EXD3: variants seen among roughly 807,000 people sequenced by gnomAD.
The protein encoded by EXD3 is exonuclease 3'-5' domain containing 3.
Under a neutral mutation model 98.0 loss-of-function variants are expected in EXD3, and 92 were observed. The observed-to-expected ratio is 0.94, with a 90% CI of 0.79 to 1.12. The LOEUF (loss-of-function observed/expected upper bound fraction) is 1.12, where lower values mean the gene tolerates loss of function less well. Among genes scored for constraint, EXD3 ranks in the 50% most tolerant of loss-of-function variants. The probability of loss-of-function intolerance (pLI) is 0.00; values close to 1 mark genes in which losing one functional copy is unlikely to be tolerated. For missense variants in EXD3, 1,222 were observed against 1,191.6 expected (o/e 1.03, Z -0.38); for synonymous variants, 569 against 526.0 (o/e 1.08, Z -1.12).
At chr9:137,368,936 G>A (rs1276840044) in intron 5 of EXD3, among the ~76,000 whole-genome samples, 1 of 142,276 alleles carries the variant, frequency 7.0e-6, no homozygotes, top group African/African-American at 2.6e-5. Flanking sequence ...CCCGGGAAGG[G>A]AGTCTCAGGC....
At chr9:137,388,936 C>A (rs998133130) in intron 2 of EXD3, among the ~76,000 whole-genome samples, 1 of 152,200 alleles carries the variant, frequency 6.6e-6, no homozygotes, top group Non-Finnish European at 1.5e-5. Context: ...GTCCTCTGAC[C>A]GCCCACGGAC....
At chr9:137,406,977 G>A (rs760701727) in intron 1 of EXD3, among the ~76,000 whole-genome samples, 7 of 152,198 alleles carry the variant, frequency 4.6e-5, no homozygotes, top group Non-Finnish European at 1.0e-4. Flanking sequence ...GCCTCCCAGC[G>A]TCCCAGGGTC....
chr9:137,331,038 A>C (rs372951900), intron 17 of EXD3, among the ~76,000 whole-genome samples: 2 of 152,230 alleles, frequency 1.3e-5, no homozygotes, highest in South Asian at 2.1e-4. Context: ...CCAACAGCAC[A>C]TTAAAGCAAT....
Position 137,307,049 on chromosome 9 carries a change from G to T in EXD3, c.2532C>A (p.His844Gln), listed in dbSNP as rs1018433766. Residue 844 changes from histidine (H) to glutamine (Q), a missense_variant, in exon 22 of 22, where the codon CAC becomes CAA. Transcript: ENST00000340951. The stretch of plus-strand genomic sequence containing the variant: ...GGAAGTGGGTGGCAACACGACCCAG[G>T]TGGGAGCCGTCCCAGAAGACCTTTC... ...GCGKVFWDGS[H>Q]LGRVATHFRD... 4.3e-6 allele frequency: 7 copies of T among 1,612,238 alleles called. No homozygotes were observed. The highest frequency in any genetic ancestry group is 5.1e-6 in the Non-Finnish European group (6 of 1,179,664).
intron 1 of EXD3, among the ~76,000 whole-genome samples, chr9:137,401,537 T>C (rs191865490): frequency 1.7e-3 from 261 of 152,356 alleles, no homozygotes; most frequent in Non-Finnish European, 2.8e-3. Context: ...CCTGGACATT[T>C]AGGCATTTCC....
Position 137,403,476 on chromosome 9 carries a change from C to T in EXD3, c.-47-8072G>A, listed in dbSNP as rs1436579000. On this transcript the variant is annotated intron_variant, in intron 1 of 21. Coordinates refer to ENST00000340951, the MANE Select transcript of EXD3 (RefSeq NM_017820.5). The surrounding 1 kb of genome is among the most constrained non-coding windows in gnomAD (Gnocchi z 6.1). ...GCCCAGGGTCTCCGAGGGTCGGGGG[C>T]CGCAGGGTCTGGCAGCACCCCATGA... Among the ~76,000 whole-genome samples, 4 of 152,024 alleles carry T rather than the reference C, an allele frequency of 2.6e-5. No homozygotes were observed. In the East Asian group the frequency reaches 5.8e-4, roughly 22 times the overall value.
At chr9:137,330,043 G>A (rs565053813) in intron 17 of EXD3, among the ~76,000 whole-genome samples, 2 of 132,944 alleles carry the variant, frequency 1.5e-5, no homozygotes, top group African/African-American at 3.0e-5. Flanking sequence ...CTACACCGGA[G>A]CTACACGGGA....
At chr9:137,320,422 C>T (rs1289713233) in intron 19 of EXD3, among the ~76,000 whole-genome samples, 1 of 152,226 alleles carries the variant, frequency 6.6e-6, no homozygotes, top group Non-Finnish European at 1.5e-5. Flanking sequence ...TGCTGGCCCC[C>T]CACGGGGGTG....
At chr9:137,354,904 C>A in intron 8 of EXD3, 131 bp from the exon 9 acceptor site, 1 of 883,124 alleles carries the variant, frequency 1.1e-6, no homozygotes, top group Non-Finnish European at 1.7e-6. Context: ...GCCCCGGAGC[C>A]CACCCCCTCC....
chr9:137,394,474 CCCCGG>C (rs1564204814), intron 2 of EXD3, among the ~76,000 whole-genome samples: 1 of 91,692 alleles, frequency 1.1e-5, no homozygotes, highest in Non-Finnish European at 2.0e-5. Flanking sequence ...GCTTCCCTAA[CCCCGG>C]CCTCCCAGCC....
At chr9:137,421,919 G>T (rs1406046097) in intron 1 of EXD3, among the ~76,000 whole-genome samples, 1 of 152,102 alleles carries the variant, frequency 6.6e-6, no homozygotes, top group Admixed American at 6.5e-5. Context: ...AATGGAACAG[G>T]TTTGTTTTTT....
rs1392129627 is a variant in EXD3 at position 137,405,080 on chromosome 9, G to A, written c.-47-9676C>T. 6.6e-6 allele frequency among the ~76,000 whole-genome samples: 1 copy of A among 152,126 alleles called. No homozygotes were observed. The highest frequency in any genetic ancestry group is 1.5e-5 in the Non-Finnish European group (1 of 67,994). Reference sequence around the variant, plus strand: ...TCACAGGTGAGCCAGGGGCTGGGAGGGGACACAGTGCTTTCCCACAGGTGA... The same window carrying A: ...TCACAGGTGAGCCAGGGGCTGGGAGAGGACACAGTGCTTTCCCACAGGTGA... On this transcript the variant is annotated intron_variant, in intron 1 of 21. Transcript: ENST00000340951. The surrounding 1 kb of genome is among the most constrained non-coding windows in gnomAD (Gnocchi z 4.1).
chr9:137,374,360 C>T (rs1402748576), intron 3 of EXD3, among the ~76,000 whole-genome samples: 2 of 152,240 alleles, frequency 1.3e-5, no homozygotes, highest in Non-Finnish European at 2.9e-5. Flanking sequence ...TTCCCAGCTG[C>T]TGGCTCCAGC....
At chr9:137,398,717 G>A (rs1180987099) in intron 1 of EXD3, among the ~76,000 whole-genome samples, 2 of 92,446 alleles carry the variant, frequency 2.2e-5, no homozygotes, top group Non-Finnish European at 4.9e-5. Context: ...ACGTGCACCC[G>A]CATCCCCAAG....
chr9:137,384,356 G>C (rs766636263), intron 2 of EXD3, among the ~76,000 whole-genome samples: 1 of 152,222 alleles, frequency 6.6e-6, no homozygotes, highest in Non-Finnish European at 1.5e-5. Flanking sequence ...ATTCAGCCCA[G>C]GACCGGAACG....
rs1226089335 is a variant in EXD3, at chr9:137,405,470, G to A, written c.-47-10066C>T. 1.3e-5 allele frequency among the ~76,000 whole-genome samples: 2 copies of A among 152,196 alleles called. No individual in the cohort carries two copies. The highest frequency in any genetic ancestry group is 2.9e-5 in the Non-Finnish European group (2 of 68,042). On this transcript the variant is annotated intron_variant, in intron 1 of 21. Coordinates refer to ENST00000340951, the MANE Select transcript of EXD3 (RefSeq NM_017820.5). This position sits in a 1 kb window ranked among gnomAD's most constrained non-coding sequence, Gnocchi z 4.1. ...GCGGACGGAGCCCAGGGCGGCCGTC[G>A]CAGGCCACTCACCCGTCCCCAGCCA...
chr9:137,420,739 C>CCCT (rs1554743341), intron 1 of EXD3, among the ~76,000 whole-genome samples: 1 of 134,980 alleles, frequency 7.4e-6, no homozygotes, highest in Non-Finnish European at 1.6e-5. Context: ...AGACATTCAC[C>CCCT]CCCCCCCCCA....
chr9:137,396,973 G>A (rs1242760094), intron 1 of EXD3, among the ~76,000 whole-genome samples: 2 of 152,224 alleles, frequency 1.3e-5, no homozygotes, highest in East Asian at 1.9e-4. Context: ...CCACCATGCC[G>A]AGGGGGCCAC....
chr9:137,334,860 G>A (rs879782332), intron 17 of EXD3, among the ~76,000 whole-genome samples: 4 of 152,184 alleles, frequency 2.6e-5, no homozygotes, highest in Admixed American at 1.3e-4. Context: ...GGCGGATCAC[G>A]AGGTCAGGAG....
Sources: allele counts gnomAD v4.1 joint callset (sites outside exome capture counted in the v4.1 genomes callset), GRCh38; gene constraint gnomAD v4.1.1; non-coding constraint Gnocchi (gnomAD v3.1); transcripts MANE v1.5; gene names NCBI Gene and HGNC (gene_info 2026-07-23, HGNC 2026-07-21).